Variants in TBC1D9 observed in about 807,000 individuals in gnomAD.
TBC1D9 encodes TBC1 domain family member 9.
Under a neutral mutation model 132.0 loss-of-function variants are expected in TBC1D9, and 63 were observed. The ratio of observed to expected loss-of-function variants is 0.48; its 90% CI spans 0.39 to 0.59. TBC1D9 has a LOEUF of 0.59. Among genes scored for constraint, TBC1D9 ranks in the 20% least tolerant of loss-of-function variants. The probability of loss-of-function intolerance (pLI) is 0.00; values close to 1 mark genes in which losing one functional copy is unlikely to be tolerated. For missense variants in TBC1D9, 1,261 were observed against 1,592.7 expected (o/e 0.79, Z 3.54); for synonymous variants, 610 against 609.9 (o/e 1.00, Z 0.00).
chr4:140,731,431 C>T (rs181566069), intron 1 of TBC1D9, among the ~76,000 whole-genome samples: 61 of 152,202 alleles, frequency 4.0e-4, no homozygotes, highest in African/African-American at 7.7e-4. Context: ...GTGGCTCACA[C>T]GTGTAATCCC....
Position 140,725,142 on chromosome 4 carries a change from G to A in TBC1D9, c.131-23528C>T, listed in dbSNP as rs570834239. Reference sequence around the variant, plus strand: ...TTGCAACAGTTTTATAGTATATGCCGAAAAATAGAATAAACGTCCATTAAC... The same window carrying A: ...TTGCAACAGTTTTATAGTATATGCCAAAAAATAGAATAAACGTCCATTAAC... On this transcript the variant is annotated intron_variant, in intron 1 of 20. Transcript: ENST00000442267. 7.2e-5 allele frequency among the ~76,000 whole-genome samples: 11 copies of A among 152,162 alleles called. 1 individual carries two copies. The highest frequency in any genetic ancestry group is 5.9e-4 in the Admixed American group (9 of 15,268).
chr4:140,739,106 C>T (rs567644065), intron 1 of TBC1D9, among the ~76,000 whole-genome samples: 57 of 151,768 alleles, frequency 3.8e-4, no homozygotes, highest in Non-Finnish European at 7.1e-4. Context: ...AAGTGATTCT[C>T]GTGCCTCAGC....
intron 11 of TBC1D9, among the ~76,000 whole-genome samples, chr4:140,658,941 G>C (rs1176373141): frequency 1.3e-5 from 2 of 151,992 alleles, no homozygotes; most frequent in African/African-American, 2.4e-5. Context: ...GGACATTTTT[G>C]ACAATATTTT....
chr4:140,753,286 GTC>G (rs1560905222), intron 1 of TBC1D9, among the ~76,000 whole-genome samples: 1 of 151,448 alleles, frequency 6.6e-6, no homozygotes, highest in Admixed American at 6.6e-5. Flanking sequence ...TAGCGATAAG[GTC>G]TCACCATGTT....
intron 2 of TBC1D9, among the ~76,000 whole-genome samples, chr4:140,700,506 C>T (rs541377061): frequency 6.6e-6 from 1 of 151,082 alleles, no homozygotes; most frequent in South Asian, 2.1e-4. Flanking sequence ...TATGAGAGAT[C>T]CAATAAAAGC....
At chr4:140,653,285 T>C (rs1420356735) in intron 13 of TBC1D9, among the ~76,000 whole-genome samples, 1 of 152,222 alleles carries the variant, frequency 6.6e-6, no homozygotes, top group Non-Finnish European at 1.5e-5. Context: ...ATTTCTTTCC[T>C]ATGTTTCAAT....
At chr4:140,624,690 A>G (rs1421115263) in intron 18 of TBC1D9, among the ~76,000 whole-genome samples, 1 of 152,146 alleles carries the variant, frequency 6.6e-6, no homozygotes, top group East Asian at 1.9e-4. Context: ...TTTATCTGAC[A>G]ACACTATCTC....
At chr4:140,723,696 G>A (rs1216373193) in intron 1 of TBC1D9, among the ~76,000 whole-genome samples, 1 of 152,020 alleles carries the variant, frequency 6.6e-6, no homozygotes, top group Admixed American at 6.6e-5. Flanking sequence ...TTACTGAAAT[G>A]AGAAAAATTT....
intron 1 of TBC1D9, chr4:140,715,840 T>C (rs1041537599): frequency 6.6e-6 from 1 of 152,182 alleles, no homozygotes; most frequent in African/African-American, 2.4e-5. Context: ...CAGACAAATT[T>C]CATTTTGTGA....
chr4:140,700,477 A>G (rs1287626633), intron 2 of TBC1D9, among the ~76,000 whole-genome samples: 1 of 151,840 alleles, frequency 6.6e-6, no homozygotes, highest in East Asian at 1.9e-4. Flanking sequence ...AAACTTGCCC[A>G]GTTTGGACTA....
chr4:140,755,825 G>C, intron 1 of TBC1D9, 91 bp downstream of exon 1: 4 of 1,371,314 alleles, frequency 2.9e-6, no homozygotes, highest in Non-Finnish European at 3.7e-6. Flanking sequence ...CCAGGGGACC[G>C]GGCGGCGTCT....
chr4:140,736,959 A>G (rs1738682208), intron 1 of TBC1D9, among the ~76,000 whole-genome samples: 1 of 152,140 alleles, frequency 6.6e-6, no homozygotes, highest in Non-Finnish European at 1.5e-5. Context: ...TCTTTTTGGC[A>G]CCAGGGAGCA....
intron 1 of TBC1D9, among the ~76,000 whole-genome samples, chr4:140,726,183 G>A (rs1156340273): frequency 6.6e-6 from 1 of 152,036 alleles, no homozygotes; most frequent in Non-Finnish European, 1.5e-5. Flanking sequence ...CAGCTACTTG[G>A]GAAGCTGAGG....
chr4:140,634,258 C>T, intron 15 of TBC1D9, 70 bp from the exon 16 acceptor site: 1 of 1,568,374 alleles, frequency 6.4e-7, no homozygotes, highest in Non-Finnish European at 8.6e-7. Flanking sequence ...CGCCCATCCT[C>T]CAGTTTGGAA....
intron 3 of TBC1D9, among the ~76,000 whole-genome samples, chr4:140,685,429 G>C (rs544081623): frequency 6.6e-6 from 1 of 152,210 alleles, no homozygotes; most frequent in Admixed American, 6.5e-5. Flanking sequence ...CATAATATCT[G>C]ACGAAATGCA....
At chr4:140,729,233 G>A (rs949694256) in intron 1 of TBC1D9, among the ~76,000 whole-genome samples, 16 of 151,940 alleles carry the variant, frequency 1.1e-4, no homozygotes, top group Admixed American at 5.9e-4. Flanking sequence ...GAAGCTCTAC[G>A]TAAAAGTAAA....
chr4:140,622,973 C>A, intron 20 of TBC1D9, 56 bp from the exon 21 acceptor site: 1 of 1,461,042 alleles, frequency 6.8e-7, no homozygotes, highest in Non-Finnish European at 9.0e-7. Context: ...AGAAAGGCAG[C>A]ACTGAAGTGG....
At chr4:140,653,394 T>C (rs767444609) in intron 13 of TBC1D9, among the ~76,000 whole-genome samples, 1 of 152,170 alleles carries the variant, frequency 6.6e-6, no homozygotes, top group Non-Finnish European at 1.5e-5. Flanking sequence ...CTTACCCACA[T>C]CAGTGATTAG....
intron 9 of TBC1D9, among the ~76,000 whole-genome samples, chr4:140,668,420 C>A (rs966971180): frequency 6.6e-6 from 1 of 152,190 alleles, no homozygotes; most frequent in African/African-American, 2.4e-5. Context: ...CTGGCCTCAT[C>A]TTTATGGTTC....
Sources: gnomAD v4.1 joint callset for allele counts (sites outside exome capture counted in the v4.1 genomes callset) on GRCh38, gnomAD v4.1.1 for gene constraint, MANE v1.5 for transcripts, NCBI Gene and HGNC (gene_info 2026-07-23, HGNC 2026-07-21) for gene names.